TRAK1: variants seen among roughly 807,000 people sequenced by gnomAD.
TRAK1 encodes the protein trafficking kinesin-binding protein 1.
TRAK1 carries 33 observed loss-of-function variants against 92.1 expected under a neutral mutation model. The ratio of observed to expected loss-of-function variants is 0.36; its 90% CI spans 0.27 to 0.48. TRAK1 has a LOEUF of 0.48. Ranked by LOEUF, TRAK1 falls within the 20% of genes least tolerant of loss-of-function variation. TRAK1 has a pLI of 0.99. For synonymous variants in TRAK1, 521 were observed against 517.3 expected, an observed-to-expected ratio of 1.01 and a Z score of -0.10; for missense variants, 1,123 against 1,257.9, an observed-to-expected ratio of 0.89 and a Z score of 1.62.
At chr3:42,066,964 G>A (rs920952095) in intron 1 of TRAK1, among the ~76,000 whole-genome samples, 16 of 152,228 alleles carry the variant, frequency 1.1e-4, no homozygotes, top group African/African-American at 3.1e-4. Context: ...AGAGGCTCTT[G>A]GCTTCTTCTC....
intron 3 of TRAK1, among the ~76,000 whole-genome samples, chr3:42,181,529 T>C (rs1368898877): frequency 2.0e-5 from 3 of 152,110 alleles, no homozygotes; most frequent in Non-Finnish European, 4.4e-5. Flanking sequence ...GGGCGACAGA[T>C]CGAGACTCCA....
chr3:42,164,341 A>T (rs974063276), intron 2 of TRAK1, among the ~76,000 whole-genome samples: 6 of 152,328 alleles, frequency 3.9e-5, no homozygotes, highest in Admixed American at 1.3e-4. Flanking sequence ...CAGATACAGG[A>T]TACATTTGTT....
intron 1 of TRAK1, among the ~76,000 whole-genome samples, chr3:42,016,844 A>C (rs539065389): frequency 6.6e-6 from 1 of 152,328 alleles, no homozygotes; most frequent in South Asian, 2.1e-4. Flanking sequence ...AGTTGCAGAT[A>C]TTCAGTAAAG....
chr3:42,040,680 C>CTT (rs569797970), intron 1 of TRAK1, among the ~76,000 whole-genome samples: 14 of 142,958 alleles, frequency 9.8e-5, no homozygotes, highest in African/African-American at 1.8e-4. Context: ...AGTACTACAC[C>CTT]TTTTTTTTTT....
At chr3:42,219,350 C>A in intron 14 of TRAK1, 144 bp from the exon 15 acceptor site, 1 of 1,542,196 alleles carries the variant, frequency 6.5e-7, no homozygotes, top group East Asian at 2.3e-5. Flanking sequence ...CAATCCAGAA[C>A]ATTTGCGTTT....
chr3:42,218,946 C>A, intron 14 of TRAK1: 1 of 985,386 alleles, frequency 1.0e-6, no homozygotes, highest in Non-Finnish European at 1.2e-6. Flanking sequence ...CCCACCATAA[C>A]AATCACAAAT....
Position 42,078,621 on chromosome 3 carries a change from C to T in TRAK1, c.-518-8483C>T, listed in dbSNP as rs563102718. On this transcript the variant is annotated intron_variant, in intron 1 of 16. Coordinates refer to the TRAK1 transcript ENST00000487159. ...ACAAAAAATTAGCCGGGTGTGGTGG[C>T]GGGTGCCTGTAGTCCCAGCTACTCG... is the stretch of plus-strand genomic sequence containing the variant. Among the ~76,000 whole-genome samples, 330 of 151,754 alleles carry T rather than the reference C, an allele frequency of 2.2e-3. 1 individual carries two copies. The highest frequency in any genetic ancestry group is 3.7e-3 in the Non-Finnish European group (254 of 67,898).
chr3:42,130,112 C>G (rs975082306), intron 2 of TRAK1, among the ~76,000 whole-genome samples: 2 of 152,144 alleles, frequency 1.3e-5, no homozygotes, highest in African/African-American at 4.8e-5. Context: ...ATTTTCACCT[C>G]CATCCTGTGG....
chr3:42,076,556 T>G, intron 1 of TRAK1, among the ~76,000 whole-genome samples: 1 of 152,172 alleles, frequency 6.6e-6, no homozygotes, highest in Non-Finnish European at 1.5e-5. Flanking sequence ...AGGTATAGTT[T>G]GCAAAAATTT....
chr3:42,076,875 T>C (rs1161462559), intron 1 of TRAK1, among the ~76,000 whole-genome samples: 2 of 152,216 alleles, frequency 1.3e-5, no homozygotes, highest in Non-Finnish European at 2.9e-5. Flanking sequence ...CAGCACCATT[T>C]ATTGAATAGG....
Position 42,203,000 on chromosome 3 carries a change from T to G in TRAK1, c.1744+248T>G. The G allele has an allele frequency of 7.7e-7, 1 of 1,306,486 alleles. No homozygotes were observed. The highest frequency in any genetic ancestry group is 9.7e-7 in the Non-Finnish European group (1 of 1,026,826). 80.9% of individuals were successfully genotyped at this position (1,306,486 alleles called of 1,614,324 possible). A position where few individuals can be genotyped will look rare whatever the true frequency, so the allele number is the denominator to read the frequency against. On this transcript the variant is annotated intron_variant, in intron 13 of 15. Coordinates refer to ENST00000327628, the MANE Select transcript of TRAK1 (RefSeq NM_001042646.3). The surrounding 1 kb of genome is among the most constrained non-coding windows in gnomAD (Gnocchi z 6.1). ...AACTCGCCGAGGAAAGACAAGCATGTGCACTGTGGTCTTCTAGTTCTTTCC... is the reference window on the plus strand; with the variant it reads ...AACTCGCCGAGGAAAGACAAGCATGGGCACTGTGGTCTTCTAGTTCTTTCC...
intron 1 of TRAK1, among the ~76,000 whole-genome samples, chr3:42,050,738 A>G (rs1037423950): frequency 3.3e-5 from 5 of 151,740 alleles, no homozygotes; most frequent in Non-Finnish European, 7.4e-5. Context: ...GCTCACTGCA[A>G]CCTCCACTTC....
chr3:42,185,999 TTG>T (rs1491046872), intron 4 of TRAK1, among the ~76,000 whole-genome samples: 2 of 30,576 alleles, frequency 6.5e-5, no homozygotes, highest in African/African-American at 1.7e-4. Flanking sequence ...TTTTTTTTTT[TTG>T]AGATAAGGTC....
chr3:42,198,577 G>A (rs537122208), intron 10 of TRAK1, among the ~76,000 whole-genome samples: 10 of 152,252 alleles, frequency 6.6e-5, no homozygotes, highest in African/African-American at 1.2e-4. Context: ...TGTGACTCAC[G>A]TCACGTCTGT....
intron 1 of TRAK1, among the ~76,000 whole-genome samples, chr3:42,069,714 G>A (rs1357859682): frequency 6.6e-6 from 1 of 152,136 alleles, no homozygotes; most frequent in Non-Finnish European, 1.5e-5. Context: ...TGATATATGG[G>A]AGGACCATGC....
At chr3:42,033,740 G>A (rs1702230496) in intron 1 of TRAK1, among the ~76,000 whole-genome samples, 1 of 152,178 alleles carries the variant, frequency 6.6e-6, no homozygotes, top group South Asian at 2.1e-4. Flanking sequence ...CTTGTTGACA[G>A]CATGTAAGAT....
rs192718470 is a variant in TRAK1 at position 42,123,635 on chromosome 3, T to G, written c.92-1785T>G. 9.8e-5 allele frequency among the ~76,000 whole-genome samples: 15 copies of G among 152,380 alleles called. No homozygotes were observed. The East Asian group carries it at 2.9e-3, about 29-fold the overall frequency. ...TCTTACCGTGTTTAGGAATACCTCA[T>G]ACTTTTGGTTCGTCCTCAGCATCTC... On this transcript the variant is annotated intron_variant, in intron 1 of 15. Coordinates refer to ENST00000327628, the MANE Select transcript of TRAK1 (RefSeq NM_001042646.3).
chr3:42,091,048 C>T (rs1479231550), upstream of TRAK1: 1 of 191,696 alleles, frequency 5.2e-6, no homozygotes, highest in African/African-American at 2.4e-5. Flanking sequence ...AGTCTCAGGA[C>T]ACTGCTTGGC....
chr3:42,185,974 T>A (rs894955785), intron 4 of TRAK1, among the ~76,000 whole-genome samples: 1 of 28,830 alleles, frequency 3.5e-5, no homozygotes, highest in African/African-American at 1.2e-4. Flanking sequence ...GTGCCCAGCC[T>A]TTTTTTTTTT....
Sources: gnomAD v4.1 joint callset for allele counts (sites outside exome capture counted in the v4.1 genomes callset) on GRCh38, gnomAD v4.1.1 for gene constraint, Gnocchi (gnomAD v3.1) non-coding constraint, MANE v1.5 for transcripts, NCBI Gene and HGNC (gene_info 2026-07-23, HGNC 2026-07-21) for gene names.